Variants in ROBO2 observed in about 807,000 individuals in gnomAD.
ROBO2 encodes roundabout guidance receptor 2.
In ROBO2, 53 loss-of-function variants were observed where a neutral mutation model predicts 160.8. That is an observed-to-expected ratio of 0.33 (90% CI 0.26 to 0.41). The LOEUF (loss-of-function observed/expected upper bound fraction) is 0.41, where lower values mean the gene tolerates loss of function less well. ROBO2 is among the 10% of genes least tolerant of loss of function. The pLI, the probability that ROBO2 is intolerant of heterozygous loss-of-function variation, is 1.00. For missense variants in ROBO2, 1,577 were observed against 1,722.4 expected (o/e 0.92, Z 1.49); for synonymous variants, 664 against 611.7 (o/e 1.09, Z -1.26).
At chr3:76,006,271 A>T (rs2107589290) in intron 2 of ROBO2, among the ~76,000 whole-genome samples, 1 of 152,268 alleles carries the variant, frequency 6.6e-6, no homozygotes, top group Admixed American at 6.5e-5. Context: ...ATTGTATGTG[A>T]TAGCAGAAAG....
At position 76,887,330 on chromosome 3, in the gene ROBO2, T is replaced by C. The variant is rs563434449; in HGVS notation, c.110-210684T>C. 2.6e-5 allele frequency among the ~76,000 whole-genome samples: 4 copies of C among 151,718 alleles called. No individual in the cohort carries two copies. The South Asian group carries it at 8.4e-4, about 32-fold the overall frequency. On this transcript the variant is annotated intron_variant, in intron 2 of 26. Coordinates refer to the ROBO2 transcript ENST00000487694. ...TTTATTGATTCTCTGTTTTCTCAAC[T>C]GTTAAGGTCATTAAACTTCTGTGTC... is the stretch of plus-strand genomic sequence containing the variant.
intron 2 of ROBO2, among the ~76,000 whole-genome samples, chr3:76,056,123 A>G (rs900774403): frequency 3.3e-5 from 5 of 152,258 alleles, no homozygotes; most frequent in South Asian, 2.1e-4. Context: ...ACAATACAGT[A>G]TAACAACTAC....
intron 2 of ROBO2, among the ~76,000 whole-genome samples, chr3:76,940,980 A>C (rs954498500): frequency 6.6e-6 from 1 of 152,204 alleles, no homozygotes; most frequent in East Asian, 1.9e-4. Context: ...TTTAAATTGA[A>C]GCCTTGATAT....
At chr3:76,967,511 CTT>C (rs59372235) in intron 2 of ROBO2, among the ~76,000 whole-genome samples, 4,147 of 55,264 alleles carry the variant, frequency 0.075, 262 homozygotes, top group African/African-American at 0.24. Context: ...CTGGCCAGCT[CTT>C]TTTTTTTTTT....
intron 2 of ROBO2, among the ~76,000 whole-genome samples, chr3:75,981,043 G>A (rs896523392): frequency 4.6e-5 from 7 of 151,402 alleles, no homozygotes; most frequent in African/African-American, 1.7e-4. Flanking sequence ...ATTACAACTA[G>A]CTCAAATATT....
rs566129130 is a variant in ROBO2, at chr3:76,738,836, G to A, written c.110-359178G>A. On this transcript the variant is annotated intron_variant, in intron 2 of 26. Coordinates refer to the ROBO2 transcript ENST00000487694. ...GGTTTTATTATTTCTGTTTTCTCTTGATTGTTTTTTTTTCTTTTTAAAAAT... is the reference window on the plus strand; with the variant it reads ...GGTTTTATTATTTCTGTTTTCTCTTAATTGTTTTTTTTTCTTTTTAAAAAT... 3.7e-3 allele frequency among the ~76,000 whole-genome samples: 330 copies of A among 89,448 alleles called. 2 individuals are homozygous for A. The highest frequency in any genetic ancestry group is 0.011 in the Middle Eastern group (2 of 184). 58.7% of individuals were successfully genotyped at this position (89,448 alleles called of 152,430 possible). A position where few individuals can be genotyped will look rare whatever the true frequency, so the allele number is the denominator to read the frequency against.
chr3:76,036,355 G>A, intron 2 of ROBO2, among the ~76,000 whole-genome samples: 1 of 151,782 alleles, frequency 6.6e-6, no homozygotes, highest in East Asian at 1.9e-4. Context: ...TCACCATGTT[G>A]GTCAGGCTGG....
intron 5 of ROBO2, among the ~76,000 whole-genome samples, chr3:77,522,231 T>C (rs889440286): frequency 6.6e-6 from 1 of 151,280 alleles, no homozygotes; most frequent in South Asian, 2.1e-4. Context: ...CTCCAAGGCA[T>C]GTTGATGTTT....
intron 2 of ROBO2, among the ~76,000 whole-genome samples, chr3:77,267,243 G>A (rs371468258): frequency 6.6e-6 from 1 of 152,204 alleles, no homozygotes; most frequent in African/African-American, 2.4e-5. Flanking sequence ...ACACGTAAGC[G>A]GTAGTCAAAA....
At chr3:76,865,032 A>T (rs1035999695) in intron 2 of ROBO2, among the ~76,000 whole-genome samples, 9 of 152,106 alleles carry the variant, frequency 5.9e-5, no homozygotes, top group Non-Finnish European at 1.0e-4. Flanking sequence ...TAAATTATTG[A>T]GTAATGGCAC....
intron 2 of ROBO2, among the ~76,000 whole-genome samples, chr3:76,077,660 A>T (rs1205121548): frequency 6.6e-6 from 1 of 152,160 alleles, no homozygotes. Context: ...ACTATTATTT[A>T]AAAAAAGAAG....
chr3:76,041,224 AT>A (rs1174350943), intron 2 of ROBO2, among the ~76,000 whole-genome samples: 1 of 152,104 alleles, frequency 6.6e-6, no homozygotes, highest in African/African-American at 2.4e-5. Context: ...CAAATACTTA[AT>A]TCTAAATCTT....
At chr3:76,606,303 CT>C (rs746163881) in intron 2 of ROBO2, among the ~76,000 whole-genome samples, 60 of 152,288 alleles carry the variant, frequency 3.9e-4, no homozygotes, top group Non-Finnish European at 7.9e-4. Context: ...AGTGAACACA[CT>C]GTAATATCAT....
chr3:76,493,364 T>TATATATATATATATATAA (rs1491215318), intron 2 of ROBO2, among the ~76,000 whole-genome samples: 50 of 136,732 alleles, frequency 3.7e-4, no homozygotes, highest in African/African-American at 1.2e-3. Flanking sequence ...TATATATATA[T>TATATATATATATATATAA]AATTGTATAT....
intron 2 of ROBO2, among the ~76,000 whole-genome samples, chr3:76,477,937 A>G (rs1339632003): frequency 6.6e-6 from 1 of 152,002 alleles, no homozygotes. Context: ...TCCTCTCACA[A>G]TGAATGTCAT....
chr3:76,096,814 A>G (rs2069470625), intron 2 of ROBO2, among the ~76,000 whole-genome samples: 1 of 152,196 alleles, frequency 6.6e-6, no homozygotes, highest in African/African-American at 2.4e-5. Context: ...TGTAACCACA[A>G]TATTGTAGAG....
chr3:77,213,034 C>G (rs1167011899), intron 2 of ROBO2, among the ~76,000 whole-genome samples: 1 of 151,974 alleles, frequency 6.6e-6, no homozygotes, highest in Admixed American at 6.6e-5. Flanking sequence ...GTCTAAAATT[C>G]TCTTTTTTTT....
intron 2 of ROBO2, among the ~76,000 whole-genome samples, chr3:76,271,689 G>A (rs1162388306): frequency 6.6e-6 from 1 of 151,476 alleles, no homozygotes; most frequent in East Asian, 1.9e-4. Context: ...CAACTGTATA[G>A]CACACTTTCA....
rs1440395230 is a variant in ROBO2, at chr3:76,049,383, G to GTGTGTATA, written c.109+111782_109+111783insGTGTATAT. 2.4e-4 allele frequency among the ~76,000 whole-genome samples: 9 copies of GTGTGTATA among 36,812 alleles called. 2 individuals are homozygous for GTGTGTATA. Among genetic ancestry groups the GTGTGTATA allele is most frequent in the African/African-American group, 4.5e-4 (4 of 8,862 alleles). The allele number at this position is 36,812 out of a possible 152,430, so 24.2% of individuals were successfully genotyped here. ...ATGCCACCACCCCTGGCTAATTTTA[G>GTGTGTATA]TATATATATATATATATATATTTTT... is the stretch of plus-strand genomic sequence containing the variant. On this transcript the variant is annotated intron_variant, in intron 2 of 26. Transcript: ENST00000487694.
Sources: gnomAD v4.1 joint callset for allele counts (sites outside exome capture counted in the v4.1 genomes callset) on GRCh38, gnomAD v4.1.1 for gene constraint, MANE v1.5 for transcripts, NCBI Gene and HGNC (gene_info 2026-07-23, HGNC 2026-07-21) for gene names.